TEX2: variants seen among roughly 807,000 people sequenced by gnomAD.
The protein encoded by TEX2 is testis expressed 2, also known as testis-expressed protein 2.
In TEX2, 53 loss-of-function variants were observed where a neutral mutation model predicts 106.9. The ratio of observed to expected loss-of-function variants is 0.50; its 90% CI spans 0.40 to 0.62. The LOEUF (loss-of-function observed/expected upper bound fraction) is 0.62, where lower values mean the gene tolerates loss of function less well. TEX2 is among the 20% of genes least tolerant of loss of function. The pLI is 0.00. For missense variants in TEX2, 1,207 were observed against 1,379.0 expected, an observed-to-expected ratio of 0.88 and a Z score of 1.98; for synonymous variants, 523 against 534.8, an observed-to-expected ratio of 0.98 and a Z score of 0.30.
intron 7 of TEX2, among the ~76,000 whole-genome samples, chr17:64,166,524 T>A (rs1181718239): frequency 2.0e-5 from 3 of 152,206 alleles, no homozygotes; most frequent in Non-Finnish European, 4.4e-5. Context: ...CTTTGGCTCA[T>A]ACACACATGG....
At chr17:64,156,341 C>T (rs2030627820) in intron 8 of TEX2, 2 of 152,262 alleles carry the variant, frequency 1.3e-5, no homozygotes, top group Non-Finnish European at 2.9e-5. Context: ...CACTCTGAAA[C>T]ATTAGAGCCA....
chr17:64,215,116 G>A (rs562182189), intron 1 of TEX2, among the ~76,000 whole-genome samples: 4 of 152,322 alleles, frequency 2.6e-5, no homozygotes, highest in East Asian at 1.9e-4. Context: ...TAGCTGGAAC[G>A]AAGTCAGAAG....
Position 64,154,957 on chromosome 17 carries a change from G to A in TEX2, c.2815C>T (p.Arg939Trp), listed in dbSNP as rs1327535633. Residue 939 changes from arginine to tryptophan, a missense_variant, in exon 9 of 12, where the codon CGG becomes TGG. Around this residue, in one of 3 missense-constraint regions of TEX2, gnomAD observed 1,067 missense variants for 1,193.6 expected, o/e 0.89. Transcript: ENST00000584379. ...TCGCTGTCCGCCAGACAGAATGCCC[G>A]GGGCCTGCAACTGGACAGAGAGAGA... is the stretch of plus-strand genomic sequence containing the variant. Reference protein sequence around the residue: ...GEIGKEGCRPRAFCLADSDEE... With the variant: ...GEIGKEGCRPWAFCLADSDEE... 6.3e-6 allele frequency: 10 copies of A among 1,589,222 alleles called. No homozygotes were observed. In the Admixed American group the frequency reaches 1.0e-4, roughly 17 times the overall value.
At chr17:64,245,064 G>A (rs2033962029) in intron 1 of TEX2, among the ~76,000 whole-genome samples, 1 of 152,092 alleles carries the variant, frequency 6.6e-6, no homozygotes, top group Non-Finnish European at 1.5e-5. Context: ...ACTGCTTTCT[G>A]CTTGCTCTCC....
At chr17:64,181,767 C>T (rs868358737) in intron 5 of TEX2, among the ~76,000 whole-genome samples, 8 of 151,594 alleles carry the variant, frequency 5.3e-5, no homozygotes, top group Middle Eastern at 3.4e-3. Context: ...CTGCCTGCCT[C>T]GGCCTCCCAA....
intron 1 of TEX2, among the ~76,000 whole-genome samples, chr17:64,214,633 A>C (rs1186661910): frequency 6.6e-6 from 1 of 152,214 alleles, no homozygotes; most frequent in Non-Finnish European, 1.5e-5. Flanking sequence ...CATCCTGTTG[A>C]GTTTGAGGAT....
In TEX2 at chr17:64,193,573, G is replaced by A; in HGVS notation, c.2162C>T (p.Ser721Phe). Residue 721 changes from serine to phenylalanine, a missense_variant, in exon 4 of 12, where the codon TCT (serine) becomes TTT (phenylalanine). Ser to Phe is a radical substitution (Grantham distance 155). Coordinates refer to ENST00000584379, the MANE Select transcript of TEX2 (RefSeq NM_001288732.2). The stretch of plus-strand genomic sequence containing the variant: ...AACATCATTACCTGGTTTACCTCCA[G>A]AGACACCCGATGACTTCTTGATTTC... ...KSEIKKSSGV[S>F]GGKPGLLPAH... 7.0e-7 allele frequency: 1 copy of A among 1,432,862 alleles called. No homozygotes were observed. The highest frequency in any genetic ancestry group is 9.2e-7 in the Non-Finnish European group (1 of 1,084,774). 88.8% of individuals were successfully genotyped at this position (1,432,862 alleles called of 1,614,324 possible).
chr17:64,235,385 G>A lies in TEX2; in HGVS notation c.-25-21143C>T, dbSNP rs538586461. 1.3e-3 allele frequency among the ~76,000 whole-genome samples: 191 copies of A among 152,276 alleles called. 2 individuals carry two copies. The highest frequency in any genetic ancestry group is 4.5e-3 in the African/African-American group (187 of 41,548). ...AACAGAAGCTTTCTGCAGGTGCTCT[G>A]TGCTCCAAGAAAGTGTTCCATCCAC... On this transcript the variant is annotated intron_variant, in intron 1 of 11. Transcript: ENST00000584379.
intron 1 of TEX2, among the ~76,000 whole-genome samples, chr17:64,248,220 T>C (rs1180995357): frequency 6.6e-6 from 1 of 151,962 alleles, no homozygotes; most frequent in Non-Finnish European, 1.5e-5. Flanking sequence ...TAAGAAATAA[T>C]CAAAGAACAA....
At chr17:64,178,140 C>T (rs760744122) in intron 5 of TEX2, among the ~76,000 whole-genome samples, 1 of 152,176 alleles carries the variant, frequency 6.6e-6, no homozygotes, top group African/African-American at 2.4e-5. Flanking sequence ...CTCGGCCCAG[C>T]GAAATACCCT....
intron 1 of TEX2, among the ~76,000 whole-genome samples, chr17:64,228,506 A>G (rs1356651660): frequency 6.6e-6 from 1 of 152,224 alleles, no homozygotes; most frequent in Non-Finnish European, 1.5e-5. Flanking sequence ...AAGGAGGAGC[A>G]ACCTAGATCC....
chr17:64,246,993 G>A (rs1555636361), intron 1 of TEX2, among the ~76,000 whole-genome samples: 1 of 152,182 alleles, frequency 6.6e-6, no homozygotes, highest in Non-Finnish European at 1.5e-5. Flanking sequence ...GCGGCAGCTG[G>A]GCGTGGTGGC....
chr17:64,239,740 G>A (rs782492011), intron 1 of TEX2, among the ~76,000 whole-genome samples: 13 of 151,850 alleles, frequency 8.6e-5, no homozygotes, highest in Middle Eastern at 3.2e-3. Context: ...GCCAGGTGTG[G>A]TGGCAGGCAC....
intron 1 of TEX2, among the ~76,000 whole-genome samples, chr17:64,232,767 A>G (rs1200291745): frequency 1.3e-5 from 2 of 152,208 alleles, no homozygotes; most frequent in Non-Finnish European, 2.9e-5. Flanking sequence ...AAAGCAAGGA[A>G]ACTTGATGGT....
intron 2 of TEX2, among the ~76,000 whole-genome samples, chr17:64,211,037 C>T (rs781817791): frequency 3.4e-4 from 52 of 152,150 alleles, no homozygotes; most frequent in Non-Finnish European, 6.5e-4. Context: ...TCTCAGCTCA[C>T]TGCAGCCTCA....
intron 7 of TEX2, among the ~76,000 whole-genome samples, chr17:64,168,726 T>TGAGCCC (rs2031254898): frequency 6.6e-6 from 1 of 152,190 alleles, no homozygotes; most frequent in Non-Finnish European, 1.5e-5. Flanking sequence ...TTAGTTTCTT[T>TGAGCCC]AAGCCTCACA....
chr17:64,152,820 ATTGT>A, intron 10 of TEX2, 121 bp downstream of exon 10: 2 of 881,586 alleles, frequency 2.3e-6, no homozygotes, highest in Non-Finnish European at 3.5e-6. Context: ...TCCCATGAAA[ATTGT>A]TTGGAAGTGC....
intron 7 of TEX2, 46 bp downstream of exon 7, chr17:64,171,054 C>A: frequency 6.7e-7 from 1 of 1,483,554 alleles, no homozygotes; most frequent in Non-Finnish European, 9.4e-7. Context: ...GAATCTGCAG[C>A]AAAGGATATA....
intron 6 of TEX2, among the ~76,000 whole-genome samples, chr17:64,175,054 A>G (rs2031565581): frequency 1.3e-5 from 2 of 152,228 alleles, no homozygotes; most frequent in African/African-American, 4.8e-5. Flanking sequence ...CCACTTCCCT[A>G]TTCCCATTTT....
Sources: allele counts gnomAD v4.1 joint callset (sites outside exome capture counted in the v4.1 genomes callset), GRCh38; gene constraint gnomAD v4.1.1; regional missense constraint gnomAD v4.1.1; transcripts MANE v1.5; gene names NCBI Gene and HGNC (gene_info 2026-07-23, HGNC 2026-07-21).